QTRT2: variants seen among roughly 807,000 people sequenced by gnomAD.
QTRT2 encodes queuine tRNA-ribosyltransferase domain containing 1.
Under a neutral mutation model 44.8 loss-of-function variants are expected in QTRT2, and 32 were observed. The observed-to-expected ratio is 0.71, with a 90% CI of 0.54 to 0.96. QTRT2 has a LOEUF of 0.96. QTRT2 is among the 40% of genes least tolerant of loss of function. The pLI is 0.00. For synonymous variants in QTRT2, 182 were observed against 187.4 expected, an observed-to-expected ratio of 0.97 and a Z score of 0.24; for missense variants, 461 against 503.1, an observed-to-expected ratio of 0.92 and a Z score of 0.80.
chr3:114,068,878 A>G (rs1033818218), intron 5 of QTRT2, among the ~76,000 whole-genome samples: 2 of 152,104 alleles, frequency 1.3e-5, no homozygotes, highest in African/African-American at 4.8e-5. Flanking sequence ...GCAAAACCCC[A>G]TCTCTACTAC....
At chr3:114,071,442 G>A (rs564233622) in intron 6 of QTRT2, among the ~76,000 whole-genome samples, 1 of 152,152 alleles carries the variant, frequency 6.6e-6, no homozygotes, top group South Asian at 2.1e-4. Context: ...GATATTACAG[G>A]CATGCACCAT....
chr3:114,070,174 G>A (rs2077005371), intron 5 of QTRT2, among the ~76,000 whole-genome samples: 1 of 152,136 alleles, frequency 6.6e-6, no homozygotes, highest in Admixed American at 6.6e-5. Context: ...TACTTGAGGT[G>A]ATGGATACTT....
chr3:114,067,723 A>G (rs1329942744), intron 4 of QTRT2, among the ~76,000 whole-genome samples: 4 of 152,232 alleles, frequency 2.6e-5, no homozygotes, highest in African/African-American at 9.7e-5. Context: ...CTTTCATTGT[A>G]TATTGTGCTT....
At chr3:114,067,021 C>A (rs1157643694) in intron 4 of QTRT2, among the ~76,000 whole-genome samples, 1 of 152,200 alleles carries the variant, frequency 6.6e-6, no homozygotes, top group African/African-American at 2.4e-5. Context: ...CTATACACCG[C>A]TTTCTCCTAA....
chr3:114,069,964 CAAAT>C (rs1232792991), intron 5 of QTRT2, among the ~76,000 whole-genome samples: 1 of 151,892 alleles, frequency 6.6e-6, no homozygotes, highest in East Asian at 1.9e-4. Flanking sequence ...TCTAGTCAGA[CAAAT>C]AAAGAATGGT....
chr3:114,085,368 T>A (rs2077221618), intron 9 of QTRT2, among the ~76,000 whole-genome samples: 1 of 152,064 alleles, frequency 6.6e-6, no homozygotes, highest in African/African-American at 2.4e-5. Flanking sequence ...CCACCATGCC[T>A]GGCTAATTTT....
At chr3:114,062,138 G>A (rs1280088131) in intron 2 of QTRT2, among the ~76,000 whole-genome samples, 1 of 152,106 alleles carries the variant, frequency 6.6e-6, no homozygotes, top group African/African-American at 2.4e-5. Context: ...GGTCAAGGCA[G>A]GAGGATCACT....
At chr3:114,064,463 C>T (rs2076927004) in intron 2 of QTRT2, among the ~76,000 whole-genome samples, 1 of 152,188 alleles carries the variant, frequency 6.6e-6, no homozygotes. Flanking sequence ...TCACTGAATA[C>T]TAAATCATTT....
chr3:114,070,937 C>T (rs1055163781), intron 6 of QTRT2, 99 bp downstream of exon 6: 7 of 863,438 alleles, frequency 8.1e-6, no homozygotes, highest in Admixed American at 7.1e-5. Context: ...CTGCTGTGCT[C>T]CTCACTTCTT....
intron 5 of QTRT2, among the ~76,000 whole-genome samples, chr3:114,070,261 T>C (rs910782461): frequency 1.3e-5 from 2 of 151,958 alleles, no homozygotes; most frequent in African/African-American, 4.8e-5. Context: ...TATACAAATA[T>C]GTATCAATAA....
At chr3:114,079,698 G>A (rs2077140075) in intron 7 of QTRT2, 1 of 441,130 alleles carries the variant, frequency 2.3e-6, no homozygotes, top group South Asian at 2.5e-5. Flanking sequence ...ATACATAAAT[G>A]ACAGAGCTAG....
chr3:114,060,489 T>C (rs1273007848), intron 2 of QTRT2, among the ~76,000 whole-genome samples: 1 of 135,774 alleles, frequency 7.4e-6, no homozygotes, highest in African/African-American at 2.9e-5. Context: ...GGTAGGTAGG[T>C]AGGTAGGTAG....
chr3:114,075,633 C>T (rs148602658), intron 6 of QTRT2, among the ~76,000 whole-genome samples: 175 of 151,874 alleles, frequency 1.2e-3, no homozygotes, highest in Middle Eastern at 6.8e-3. Context: ...CTCAGCCTCC[C>T]GAGTAACTGG....
intron 2 of QTRT2, among the ~76,000 whole-genome samples, chr3:114,060,818 G>A (rs2076877319): frequency 6.6e-6 from 1 of 152,134 alleles, no homozygotes; most frequent in African/African-American, 2.4e-5. Context: ...TGTGGGGCCA[G>A]TCGTAAGTAA....
At chr3:114,074,802 CAT>C (rs1380782825) in intron 6 of QTRT2, among the ~76,000 whole-genome samples, 2 of 152,214 alleles carry the variant, frequency 1.3e-5, no homozygotes, top group African/African-American at 4.8e-5. Context: ...TCAGTATGAT[CAT>C]ATATTCAGCA....
rs1577558744 is a variant in QTRT2 at position 114,087,054 on chromosome 3, G to C, written c.*1150G>C. On this transcript the variant is annotated 3_prime_UTR_variant, in exon 10 of 10. Coordinates refer to ENST00000281273, the MANE Select transcript of QTRT2 (RefSeq NM_024638.4). ...TCAGGAGATCCTGAGGCTGGTAGGGGAAGGTAATTCTTTCTAAGTTACCTC... is the reference window on the plus strand; with the variant it reads ...TCAGGAGATCCTGAGGCTGGTAGGGCAAGGTAATTCTTTCTAAGTTACCTC... The C allele has an allele frequency of 6.6e-6, 1 of 152,132 alleles. No homozygotes were observed. The highest frequency in any genetic ancestry group is 1.5e-5 in the Non-Finnish European group (1 of 68,022). 9.4% of individuals were successfully genotyped at this position (152,132 alleles called of 1,614,324 possible). A position where few individuals can be genotyped will look rare whatever the true frequency, so the allele number is the denominator to read the frequency against.
intron 2 of QTRT2, among the ~76,000 whole-genome samples, chr3:114,059,565 A>G (rs993314134): frequency 6.6e-6 from 1 of 152,204 alleles, no homozygotes. Context: ...TGAACAATGA[A>G]TGAAGAAAGG....
At chr3:114,074,437 GA>G (rs1425202878) in intron 6 of QTRT2, among the ~76,000 whole-genome samples, 2 of 152,156 alleles carry the variant, frequency 1.3e-5, no homozygotes, top group African/African-American at 2.4e-5. Flanking sequence ...CCTACTTCCT[GA>G]TAGGTTTCAA....
intron 4 of QTRT2, 27 bp from the exon 5 acceptor site, chr3:114,067,960 C>CA (rs756904138): frequency 1.2e-6 from 2 of 1,607,504 alleles, no homozygotes; most frequent in Admixed American, 3.3e-5. Context: ...TAAGCACTTT[C>CA]AAGGGTTCTT....
Sources: gnomAD v4.1 joint callset for allele counts (sites outside exome capture counted in the v4.1 genomes callset) on GRCh38, gnomAD v4.1.1 for gene constraint, MANE v1.5 for transcripts, NCBI Gene and HGNC (gene_info 2026-07-23, HGNC 2026-07-21) for gene names.